Variants in RBPJ observed in about 807,000 individuals in gnomAD.
The protein encoded by RBPJ is recombining binding protein suppressor of hairless.
A neutral mutation model predicts 67.8 loss-of-function variants in RBPJ; 9 were observed. The observed-to-expected ratio is 0.13, with a 90% CI of 0.08 to 0.23. RBPJ has a LOEUF of 0.23. Ranked by LOEUF, RBPJ falls within the 10% of genes least tolerant of loss-of-function variation. The probability of loss-of-function intolerance (pLI) is 1.00; values close to 1 mark genes in which losing one functional copy is unlikely to be tolerated. For synonymous variants in RBPJ, 198 were observed against 203.3 expected (o/e 0.97, Z 0.22); for missense variants, 305 against 595.6 (o/e 0.51, Z 5.08).
intron 3 of RBPJ, 60 bp from the exon 4 acceptor site, chr4:26,415,415 C>T: frequency 2.3e-6 from 3 of 1,301,584 alleles, no homozygotes; most frequent in South Asian, 1.4e-5. Context: ...AAAGGAAATG[C>T]TTTATTGAAT....
intron 1 of RBPJ, among the ~76,000 whole-genome samples, chr4:26,234,774 C>A (rs1719398571): frequency 6.6e-6 from 1 of 152,074 alleles, no homozygotes; most frequent in Non-Finnish European, 1.5e-5. Context: ...CTCACTGCAA[C>A]CTCCTACTCC....
chr4:26,206,846 C>CT (rs549684825), intron 1 of RBPJ, among the ~76,000 whole-genome samples: 102 of 149,130 alleles, frequency 6.8e-4, no homozygotes, highest in South Asian at 6.6e-3. Flanking sequence ...CTTTTTTGGT[C>CT]TTTTTTTTTC....
At chr4:26,358,298 T>G (rs138609153) in intron 1 of RBPJ, among the ~76,000 whole-genome samples, 1 of 152,044 alleles carries the variant, frequency 6.6e-6, no homozygotes, top group East Asian at 1.9e-4. Flanking sequence ...AAAGGTTTAG[T>G]ATAAAGTTAA....
chr4:26,321,135 G>GGA (rs1722988348), intron 1 of RBPJ, 87 bp downstream of exon 1: 2 of 1,080,640 alleles, frequency 1.9e-6, no homozygotes, highest in Non-Finnish European at 2.7e-6. Flanking sequence ...CGGGGGCCGC[G>GGA]GCGCGCTTGG....
chr4:26,334,915 C>CT lies in RBPJ; in HGVS notation c.20+13868dup, dbSNP rs1309153546. ...ATTTGCAGTTTTTGTCTTCCTCTTG[C>CT]TGTATTCTTTGACTTTATGTCTGTG... On this transcript the variant is annotated intron_variant, in intron 1 of 10. Coordinates refer to ENST00000355476, the MANE Select transcript of RBPJ (RefSeq NM_015874.6). Among the ~76,000 whole-genome samples the CT allele has an allele frequency of 1.3e-5, 2 of 152,146 alleles. 1 individual carries two copies. Among genetic ancestry groups the CT allele is most frequent in the African/African-American group, 4.8e-5 (2 of 41,446 alleles).
Position 26,431,751 on chromosome 4 carries a change from C to G in RBPJ, c.*744C>G, listed in dbSNP as rs1736256406. Reference sequence around the variant, plus strand: ...CAAAAGCTTTAAAAAAATGCCTCTGCCTTGCCTGCAATACATGCAATGTAT... The same window carrying G: ...CAAAAGCTTTAAAAAAATGCCTCTGGCTTGCCTGCAATACATGCAATGTAT... On this transcript the variant is annotated 3_prime_UTR_variant, in exon 11 of 11. Coordinates refer to ENST00000355476, the MANE Select transcript of RBPJ (RefSeq NM_015874.6). The G allele has an allele frequency of 6.6e-6, 1 of 152,062 alleles. No individual in the cohort carries two copies. Among genetic ancestry groups the G allele is most frequent in the Non-Finnish European group, 1.5e-5 (1 of 68,018 alleles). The allele number at this position is 152,062 out of a possible 1,614,324, so 9.4% of individuals were successfully genotyped here.
At chr4:26,142,809 T>C in the RBPJ span, among the ~76,000 whole-genome samples, 1 of 152,010 alleles carries the variant, frequency 6.6e-6, no homozygotes, top group Admixed American at 6.6e-5. Context: ...AGAGACAGAG[T>C]CTCGTTCTGT....
At chr4:26,299,471 C>T (rs753273591) in intron 1 of RBPJ, among the ~76,000 whole-genome samples, 2 of 152,096 alleles carry the variant, frequency 1.3e-5, no homozygotes, top group Admixed American at 6.5e-5. Flanking sequence ...TTTCATACAC[C>T]ATTCTGAGAA....
chr4:26,182,691 G>A (rs754489796), intron 1 of RBPJ, among the ~76,000 whole-genome samples: 1 of 151,686 alleles, frequency 6.6e-6, no homozygotes, highest in African/African-American at 2.4e-5. Context: ...AGAGATGGGG[G>A]TCTCATTATG....
the RBPJ span, among the ~76,000 whole-genome samples, chr4:26,119,454 C>G: frequency 1.3e-5 from 2 of 152,118 alleles, no homozygotes; most frequent in African/African-American, 4.8e-5. Context: ...TTCAGATTAG[C>G]TCCCCCTCCT....
At chr4:26,280,766 G>T (rs149620172) in intron 1 of RBPJ, among the ~76,000 whole-genome samples, 3,937 of 152,112 alleles carry the variant, frequency 0.026, 101 homozygotes, top group Middle Eastern at 0.092. Context: ...AGCAAATACA[G>T]CTGCATTAAA....
intron 1 of RBPJ, among the ~76,000 whole-genome samples, chr4:26,294,738 C>T (rs1480506724): frequency 2.0e-5 from 3 of 151,794 alleles, no homozygotes; most frequent in Non-Finnish European, 2.9e-5. Flanking sequence ...AAAAATTAGC[C>T]GGGCATGGTG....
intron 1 of RBPJ, among the ~76,000 whole-genome samples, chr4:26,350,227 G>T (rs941393758): frequency 6.6e-6 from 1 of 152,084 alleles, no homozygotes; most frequent in Non-Finnish European, 1.5e-5. Flanking sequence ...AAAATGGTTT[G>T]TACTACCAAC....
chr4:26,156,414 CT>C, the RBPJ span, among the ~76,000 whole-genome samples: 1,050 of 93,544 alleles, frequency 0.011, 6 homozygotes, highest in African/African-American at 0.03. Context: ...TCTTTTCTTT[CT>C]TTTTTTTTTT....
chr4:26,307,648 G>T (rs1246999196), intron 1 of RBPJ, among the ~76,000 whole-genome samples: 1 of 152,114 alleles, frequency 6.6e-6, no homozygotes. Flanking sequence ...TCTCCCAGAC[G>T]ATAGTTTATA....
At chr4:26,230,427 A>G (rs1248141605) in intron 1 of RBPJ, among the ~76,000 whole-genome samples, 2 of 152,226 alleles carry the variant, frequency 1.3e-5, no homozygotes, top group African/African-American at 4.8e-5. Context: ...AGTGCTTTAC[A>G]TATATTAACT....
At chr4:26,210,799 CTT>C (rs1718391611) in intron 1 of RBPJ, among the ~76,000 whole-genome samples, 1 of 140,642 alleles carries the variant, frequency 7.1e-6, no homozygotes, top group Admixed American at 7.3e-5. Context: ...TTCTTTCTTT[CTT>C]TCTTTCTTTT....
chr4:26,229,139 G>A (rs1187133089), intron 1 of RBPJ, among the ~76,000 whole-genome samples: 1 of 152,210 alleles, frequency 6.6e-6, no homozygotes, highest in Admixed American at 6.5e-5. Context: ...AGAGAATCAG[G>A]CAGGAAGCCT....
At chr4:26,358,409 G>T (rs1444759574) in intron 1 of RBPJ, among the ~76,000 whole-genome samples, 1 of 152,024 alleles carries the variant, frequency 6.6e-6, no homozygotes, top group Non-Finnish European at 1.5e-5. Flanking sequence ...AACAGTGAAG[G>T]TGTAATATAT....
Sources: gnomAD v4.1 joint callset for allele counts (sites outside exome capture counted in the v4.1 genomes callset) on GRCh38, gnomAD v4.1.1 for gene constraint, MANE v1.5 for transcripts, NCBI Gene and HGNC (gene_info 2026-07-23, HGNC 2026-07-21) for gene names.